NOXRED1: variants seen among roughly 807,000 people sequenced by gnomAD.
NOXRED1 encodes the protein NADP-dependent oxidoreductase domain-containing protein 1.
In NOXRED1, 20 loss-of-function variants were observed where a neutral mutation model predicts 30.4. That is an observed-to-expected ratio of 0.66 (90% CI 0.46 to 0.96). NOXRED1 has a LOEUF of 0.96. NOXRED1 is among the 40% of genes least tolerant of loss of function. NOXRED1 has a pLI of 0.00. For missense variants in NOXRED1, 374 were observed against 428.0 expected (o/e 0.87, Z 1.11); for synonymous variants, 155 against 168.0 (o/e 0.92, Z 0.60).
intron 2 of NOXRED1, among the ~76,000 whole-genome samples, chr14:77,408,690 A>T (rs1206286742): frequency 1.2e-4 from 18 of 152,114 alleles, no homozygotes; most frequent in Non-Finnish European, 1.0e-4. Context: ...AAGTTATATG[A>T]CTTGTCCAAA....
chr14:77,413,161 T>G lies in NOXRED1; in HGVS notation c.349+773A>C, dbSNP rs185356881. On this transcript the variant is annotated intron_variant, in intron 2 of 5. Transcript: ENST00000380835. ...TTTCATCTCCCCAGAAAAAGTTGCT[T>G]TGGGACTTTCTCAGTCTATCTCCCC... Among the ~76,000 whole-genome samples the G allele has an allele frequency of 7.2e-5, 11 of 152,278 alleles. No individual in the cohort carries two copies. In the East Asian group the frequency reaches 2.1e-3, roughly 29 times the overall value.
In NOXRED1 at chr14:77,406,781, T is replaced by C. The variant is rs770593510; in HGVS notation, c.625A>G (p.Ile209Val). The stretch of plus-strand genomic sequence containing the variant: ...ATCGTAGGATCTTGGAGAGCAGCTA[T>C]GACTCCCTTATTGGCCCCCCAGACG... The part of the protein sequence containing the change: ...VSVWGANKGV[I>V]AALQDPTILQ... The change falls in exon 4 of 6, where the codon ATA becomes GTA. Residue 209 changes from isoleucine to valine, a missense_variant. Physicochemically the swap from Ile to Val is conservative, Grantham distance 29. Coordinates refer to ENST00000380835, the MANE Select transcript of NOXRED1 (RefSeq NM_001113475.3). 6.2e-7 allele frequency: 1 copy of C among 1,614,092 alleles called. No homozygotes were observed. The highest frequency in any genetic ancestry group is 8.5e-7 in the Non-Finnish European group (1 of 1,179,906).
At chr14:77,419,669 C>T (rs1732301137) in intron 1 of NOXRED1, among the ~76,000 whole-genome samples, 2 of 151,142 alleles carry the variant, frequency 1.3e-5, no homozygotes, top group South Asian at 4.2e-4. Context: ...AGGATGGTCT[C>T]GATGTCCTGA....
rs1555362909 is a variant in NOXRED1, at chr14:77,406,823, C to T, written c.583G>A (p.Asp195Asn). ...TNILRPQYQY[D>N]EDSVSVWGAN... is the part of the protein sequence containing the mutation. The stretch of plus-strand genomic sequence containing the variant: ...CCCCAGACGCTGACAGAATCTTCAT[C>T]ATACTGATACTGAGGCCGCAAGATA... The change falls in exon 4 of 6, where the codon GAT (aspartate) becomes AAT (asparagine). Residue 195 changes from aspartate (D) to asparagine (N), a missense_variant. Asp to Asn is a conservative substitution (Grantham distance 23). Coordinates refer to ENST00000380835, the MANE Select transcript of NOXRED1 (RefSeq NM_001113475.3). The T allele has an allele frequency of 1.9e-6, 3 of 1,614,046 alleles. No individual in the cohort carries two copies. In the Admixed American group the frequency reaches 5.0e-5, roughly 27 times the overall value.
chr14:77,419,232 C>G (rs1894918674), intron 1 of NOXRED1, among the ~76,000 whole-genome samples: 1 of 151,562 alleles, frequency 6.6e-6, no homozygotes, highest in African/African-American at 2.4e-5. Context: ...GCCACCATGC[C>G]CAGCTAATTT....
intron 1 of NOXRED1, among the ~76,000 whole-genome samples, chr14:77,422,364 C>G (rs891989715): frequency 6.6e-6 from 1 of 152,150 alleles, no homozygotes; most frequent in Admixed American, 6.5e-5. Flanking sequence ...TACCTCAGCC[C>G]CAAAAGAAAG....
intron 1 of NOXRED1, among the ~76,000 whole-genome samples, chr14:77,416,023 T>C (rs1894813161): frequency 6.6e-6 from 1 of 152,128 alleles, no homozygotes; most frequent in South Asian, 2.1e-4. Flanking sequence ...CCTGAAACTC[T>C]ATACAATTTT....
chr14:77,406,337 A>G (rs930865351), intron 4 of NOXRED1: 25 of 599,424 alleles, frequency 4.2e-5, no homozygotes, highest in Non-Finnish European at 6.8e-5. Flanking sequence ...TGACCATCCC[A>G]AAAGTGGACA....
rs558359633 is a variant in NOXRED1 at position 77,399,223 on chromosome 14, C to T, written c.906-4418G>A. On this transcript the variant is annotated intron_variant, in intron 5 of 5. Transcript: ENST00000380835. ...CTGTAATCCCAGCAATCTGGGAGGC[C>T]GAGGTGGGAGGATTGTTTGAGCCCA... Among the ~76,000 whole-genome samples the T allele has an allele frequency of 8.6e-5, 13 of 151,958 alleles. No homozygotes were observed. The East Asian group carries it at 1.9e-3, about 23-fold the overall frequency.
chr14:77,400,000 T>C (rs1254553656), intron 5 of NOXRED1, among the ~76,000 whole-genome samples: 1 of 151,504 alleles, frequency 6.6e-6, no homozygotes, highest in East Asian at 1.9e-4. Context: ...ACCATACCCA[T>C]AGAAAAACAA....
At chr14:77,417,866 G>C (rs1440487221) in intron 1 of NOXRED1, among the ~76,000 whole-genome samples, 1 of 147,894 alleles carries the variant, frequency 6.8e-6, no homozygotes, top group Non-Finnish European at 1.5e-5. Context: ...TTCCTCTCTT[G>C]CTGCCTTCTT....
At chr14:77,409,810 ATTT>A (rs111619657) in intron 2 of NOXRED1, among the ~76,000 whole-genome samples, 1 of 141,348 alleles carries the variant, frequency 7.1e-6, no homozygotes. Context: ...ATACCTTGAG[ATTT>A]TTTTTTTTTT....
At chr14:77,396,200 C>T (rs570187356) in intron 5 of NOXRED1, among the ~76,000 whole-genome samples, 1 of 151,224 alleles carries the variant, frequency 6.6e-6, no homozygotes, top group South Asian at 2.1e-4. Context: ...ATGAAACCGT[C>T]TCTATTTATA....
chr14:77,417,636 TCTGA>T (rs1212834244), intron 1 of NOXRED1, among the ~76,000 whole-genome samples: 4 of 152,266 alleles, frequency 2.6e-5, no homozygotes, highest in African/African-American at 9.6e-5. Flanking sequence ...TTCTCTATGG[TCTGA>T]CTTTCAGCCT....
At chr14:77,419,597 C>T (rs1332359764) in intron 1 of NOXRED1, among the ~76,000 whole-genome samples, 4 of 151,642 alleles carry the variant, frequency 2.6e-5, no homozygotes, top group African/African-American at 7.3e-5. Context: ...TATAGGCGCC[C>T]GCCACCACGC....
intron 2 of NOXRED1, among the ~76,000 whole-genome samples, chr14:77,409,748 A>G (rs1005686086): frequency 3.0e-4 from 45 of 152,146 alleles, no homozygotes; most frequent in Non-Finnish European, 4.7e-4. Flanking sequence ...AAGAATATAT[A>G]TACTTTGTTG....
chr14:77,422,918 G>T lies in NOXRED1; in HGVS notation c.-29C>A. On this transcript the variant is annotated 5_prime_UTR_variant, in exon 1 of 6. Coordinates refer to ENST00000380835, the MANE Select transcript of NOXRED1 (RefSeq NM_001113475.3). ...CAAGCCACTATTTCCTGCAGTGATA[G>T]ACACTAATCAATTTGGCTCCCTGTC... The T allele has an allele frequency of 6.3e-7, 1 of 1,593,382 alleles. No individual in the cohort carries two copies. The highest frequency in any genetic ancestry group is 1.1e-5 in the South Asian group (1 of 88,662).
intron 2 of NOXRED1, among the ~76,000 whole-genome samples, chr14:77,409,413 A>T (rs10147829): frequency 1.2e-3 from 184 of 152,268 alleles, no homozygotes; most frequent in African/African-American, 4.3e-3. Context: ...CTTGTGAAGA[A>T]GGTGCCTGCT....
intron 4 of NOXRED1, 134 bp downstream of exon 4, chr14:77,406,590 T>TACACACAC (rs56942412): frequency 2.8e-5 from 22 of 773,656 alleles, no homozygotes; most frequent in Middle Eastern, 3.3e-4. Flanking sequence ...CCTTGTGCCT[T>TACACACAC]ACACACACAC....
Sources: gnomAD v4.1 joint callset for allele counts (sites outside exome capture counted in the v4.1 genomes callset) on GRCh38, gnomAD v4.1.1 for gene constraint, MANE v1.5 for transcripts, NCBI Gene and HGNC (gene_info 2026-07-23, HGNC 2026-07-21) for gene names.